MYO5B: variants seen among roughly 807,000 people sequenced by gnomAD.
The protein encoded by MYO5B is unconventional myosin-Vb.
Under a neutral mutation model 229.3 loss-of-function variants are expected in MYO5B, and 143 were observed. That is an observed-to-expected ratio of 0.62 (90% CI 0.54 to 0.72). The LOEUF (loss-of-function observed/expected upper bound fraction) is 0.72. Ranked by LOEUF, MYO5B falls within the 30% of genes least tolerant of loss-of-function variation. The pLI is 0.00. For synonymous variants in MYO5B, 918 were observed against 885.2 expected, an observed-to-expected ratio of 1.04 and a Z score of -0.66; for missense variants, 2,321 against 2,331.0, an observed-to-expected ratio of 1.00 and a Z score of 0.09.
intron 32 of MYO5B, among the ~76,000 whole-genome samples, chr18:49,848,542 G>T (rs1415969883): frequency 6.6e-6 from 1 of 150,468 alleles, no homozygotes; most frequent in Non-Finnish European, 1.5e-5. Flanking sequence ...GCAGACTAGG[G>T]CTGGGATTTC....
At chr18:49,997,736 C>T (rs2026004789) in intron 5 of MYO5B, among the ~76,000 whole-genome samples, 1 of 152,112 alleles carries the variant, frequency 6.6e-6, no homozygotes, top group Admixed American at 6.5e-5. Flanking sequence ...ATCCTCAAGT[C>T]GCCTTTAATT....
intron 14 of MYO5B, among the ~76,000 whole-genome samples, chr18:49,942,918 A>G (rs1431011239): frequency 6.6e-6 from 1 of 152,180 alleles, no homozygotes; most frequent in Non-Finnish European, 1.5e-5. Flanking sequence ...ATGCACATGT[A>G]TATTTATTGC....
intron 1 of MYO5B, among the ~76,000 whole-genome samples, chr18:50,065,522 T>A (rs2030798023): frequency 6.6e-6 from 1 of 152,004 alleles, no homozygotes; most frequent in South Asian, 2.1e-4. Flanking sequence ...TATACAACCA[T>A]CAGATCTCAT....
At position 49,826,505 on chromosome 18, in the gene MYO5B, G is replaced by T. The variant is rs749035019; in HGVS notation, c.5513C>A (p.Ala1838Glu). 6.2e-7 allele frequency: 1 copy of T among 1,613,976 alleles called. No homozygotes were observed. Among genetic ancestry groups the T allele is most frequent in the Non-Finnish European group, 8.5e-7 (1 of 1,179,918 alleles). ...SLTMDSIHIP[A>E]CLNLEFLNEV ...ATTGAGGAATTCCAGATTGAGACACGCTGGGATGTGGATTGAGTCCATGGT... is the reference window on the plus strand; with the variant it reads ...ATTGAGGAATTCCAGATTGAGACACTCTGGGATGTGGATTGAGTCCATGGT... Residue 1838 changes from alanine (A) to glutamate (E), a missense_variant, in exon 40 of 40, where the codon GCG becomes GAG. Transcript: ENST00000285039.
intron 13 of MYO5B, 109 bp from the exon 14 acceptor site, chr18:49,953,452 A>G (rs1484998012): frequency 1.1e-6 from 1 of 914,880 alleles, no homozygotes; most frequent in African/African-American, 1.6e-5. Context: ...GTGAGTAGAT[A>G]GGAAACCCAC....
intron 1 of MYO5B, among the ~76,000 whole-genome samples, chr18:50,062,398 G>C (rs1448464034): frequency 1.3e-5 from 2 of 152,158 alleles, no homozygotes; most frequent in African/African-American, 4.8e-5. Flanking sequence ...CCAAGAACAG[G>C]AACACTGGTC....
rs1198151389 is a variant in MYO5B at position 49,824,101 on chromosome 18, A to G, written c.*2370T>C. On this transcript the variant is annotated 3_prime_UTR_variant, in exon 40 of 40. Coordinates refer to ENST00000285039, the MANE Select transcript of MYO5B (RefSeq NM_001080467.3). The stretch of plus-strand genomic sequence containing the variant: ...GCAGAGTTCAAACCTGAATTGTTAA[A>G]GAGTCATTACTGATTTCATGACACT... 2 of 152,594 alleles carry G rather than the reference A, an allele frequency of 1.3e-5. No homozygotes were observed. Among genetic ancestry groups the G allele is most frequent in the Non-Finnish European group, 2.9e-5 (2 of 68,024 alleles). The allele number at this position is 152,594 out of a possible 1,614,324, so 9.5% of individuals were successfully genotyped here.
At chr18:50,018,995 C>T (rs959553495) in intron 4 of MYO5B, among the ~76,000 whole-genome samples, 2 of 152,186 alleles carry the variant, frequency 1.3e-5, no homozygotes, top group Non-Finnish European at 2.9e-5. Context: ...TGCCCACTTA[C>T]ATTATTGGAC....
chr18:49,833,905 C>T (rs1446206593), intron 39 of MYO5B, among the ~76,000 whole-genome samples: 1 of 152,170 alleles, frequency 6.6e-6, no homozygotes, highest in African/African-American at 2.4e-5. Flanking sequence ...TAGAGAGACT[C>T]ACTCTGCCTG....
chr18:49,901,694 C>T (rs2024843192), intron 21 of MYO5B, among the ~76,000 whole-genome samples: 1 of 152,220 alleles, frequency 6.6e-6, no homozygotes, highest in Non-Finnish European at 1.5e-5. Flanking sequence ...AAAGCAAACA[C>T]TCTTTCCAAA....
intron 15 of MYO5B, among the ~76,000 whole-genome samples, chr18:49,936,951 C>T (rs566302448): frequency 6.6e-6 from 1 of 152,272 alleles, no homozygotes; most frequent in East Asian, 1.9e-4. Context: ...AAATTCCAGG[C>T]CCTCTTGCCT....
intron 3 of MYO5B, among the ~76,000 whole-genome samples, chr18:50,038,609 C>A (rs758165368): frequency 3.9e-5 from 6 of 152,188 alleles, no homozygotes; most frequent in Non-Finnish European, 7.3e-5. Context: ...TCCGAGGTCA[C>A]GTGTTTTCCT....
intron 5 of MYO5B, among the ~76,000 whole-genome samples, chr18:49,994,792 A>G (rs2025969644): frequency 6.6e-6 from 1 of 152,240 alleles, no homozygotes; most frequent in Non-Finnish European, 1.5e-5. Context: ...CCACAGGATG[A>G]TGGCAGACTG....
chr18:49,946,188 G>A (rs2025371213), intron 14 of MYO5B: 1 of 151,950 alleles, frequency 6.6e-6, no homozygotes, highest in Admixed American at 6.6e-5. Flanking sequence ...TTCAAAATTT[G>A]AGAATTTTGA....
chr18:50,118,533 C>CT (rs919649737), intron 1 of MYO5B, among the ~76,000 whole-genome samples: 3 of 151,586 alleles, frequency 2.0e-5, no homozygotes, highest in Non-Finnish European at 4.4e-5. Context: ...ATTTGCATTT[C>CT]TTTTTTTATT....
intron 1 of MYO5B, among the ~76,000 whole-genome samples, chr18:50,156,104 A>G (rs2032674371): frequency 6.6e-6 from 1 of 152,230 alleles, no homozygotes; most frequent in Non-Finnish European, 1.5e-5. Flanking sequence ...CCACAACCCA[A>G]CTAACCAGGA....
intron 1 of MYO5B, among the ~76,000 whole-genome samples, chr18:50,088,288 G>C (rs967998137): frequency 6.6e-6 from 1 of 152,130 alleles, no homozygotes; most frequent in Non-Finnish European, 1.5e-5. Context: ...GAAAGTTTCC[G>C]AAACAGACAA....
chr18:49,826,756 G>C (rs1216459079), intron 39 of MYO5B, 133 bp from the exon 40 acceptor site: 8 of 1,101,812 alleles, frequency 7.3e-6, no homozygotes, highest in Non-Finnish European at 1.1e-5. Flanking sequence ...TCAGGACTAG[G>C]AGAATGTGAT....
At position 49,998,489 on chromosome 18, in the gene MYO5B, G is replaced by A. The variant is rs543768730; in HGVS notation, c.612+2766C>T. 2.8e-4 allele frequency among the ~76,000 whole-genome samples: 43 copies of A among 152,282 alleles called. 2 individuals are homozygous for A. The South Asian group carries it at 8.5e-3, about 30-fold the overall frequency. On this transcript the variant is annotated intron_variant, in intron 5 of 39. Transcript: ENST00000285039. Reference sequence around the variant, plus strand: ...CACCCTGCGTTCCCACAGCCTAGCGGCCTACTCAGGCTATAATGGATATTC... The same window carrying A: ...CACCCTGCGTTCCCACAGCCTAGCGACCTACTCAGGCTATAATGGATATTC...
Sources: gnomAD v4.1 joint callset for allele counts (sites outside exome capture counted in the v4.1 genomes callset) on GRCh38, gnomAD v4.1.1 for gene constraint, MANE v1.5 for transcripts, NCBI Gene and HGNC (gene_info 2026-07-23, HGNC 2026-07-21) for gene names.